The following RPS6KA5 variants were observed in gnomAD, a reference collection of about 807,000 sequenced individuals.
The protein encoded by RPS6KA5 is ribosomal protein S6 kinase alpha-5.
RPS6KA5 carries 27 observed loss-of-function variants against 85.5 expected under a neutral mutation model. The observed-to-expected ratio is 0.32, with a 90% confidence interval of 0.23 to 0.44. The LOEUF is 0.44. RPS6KA5 is among the 20% of genes least tolerant of loss of function. RPS6KA5 has a pLI of 1.00. For missense variants in RPS6KA5, 811 were observed against 980.9 expected, an observed-to-expected ratio of 0.83 and a Z score of 2.31; for synonymous variants, 334 against 348.2, an observed-to-expected ratio of 0.96 and a Z score of 0.46.
At chr14:90,904,149 C>CTG (rs1566719809) in intron 8 of RPS6KA5, among the ~76,000 whole-genome samples, 1 of 152,164 alleles carries the variant, frequency 6.6e-6, no homozygotes, top group Non-Finnish European at 1.5e-5. Context: ...CAGGGTTTCA[C>CTG]TGTGTTAGCC....
chr14:90,853,906 A>G lies in RPS6KA5; in HGVS notation c.*18168T>C, dbSNP rs185904825. ...TTCACACCCTTTTTCTTGATTAATC[A>G]TTTGTACCAGAGAAAACTCTGTATA... On this transcript the variant is annotated 3_prime_UTR_variant, in exon 17 of 17. Coordinates refer to ENST00000614987, the MANE Select transcript of RPS6KA5 (RefSeq NM_004755.4). 5.3e-4 allele frequency: 81 copies of G among 152,262 alleles called. 1 individual carries two copies. The highest frequency in any genetic ancestry group is 1.9e-3 in the African/African-American group (80 of 41,552). The allele number at this position is 152,262 out of a possible 1,614,324, so 9.4% of individuals were successfully genotyped here. A position where few individuals can be genotyped will look rare whatever the true frequency, so the allele number is the denominator to read the frequency against.
intron 7 of RPS6KA5, among the ~76,000 whole-genome samples, chr14:90,916,223 T>C (rs1246496727): frequency 2.0e-5 from 3 of 152,174 alleles, no homozygotes; most frequent in Admixed American, 6.5e-5. Flanking sequence ...AAACACCTTA[T>C]AGAAGCTCCA....
chr14:90,988,117 C>T (rs1163758163), intron 2 of RPS6KA5, among the ~76,000 whole-genome samples: 1 of 152,186 alleles, frequency 6.6e-6, no homozygotes. Context: ...CAAATTTGCC[C>T]ATCAGAAAAA....
intron 1 of RPS6KA5, among the ~76,000 whole-genome samples, chr14:91,055,614 A>G (rs1176676544): frequency 6.6e-6 from 1 of 152,092 alleles, no homozygotes; most frequent in African/African-American, 2.4e-5. Flanking sequence ...CTGTCTCTAC[A>G]AAAAAATAAT....
At chr14:91,027,202 A>G (rs1344671279) in intron 1 of RPS6KA5, among the ~76,000 whole-genome samples, 2 of 152,054 alleles carry the variant, frequency 1.3e-5, no homozygotes, top group African/African-American at 4.8e-5. Flanking sequence ...AGTCCGAGGT[A>G]TTTCCTAGGT....
chr14:91,029,771 C>T (rs568113806), intron 1 of RPS6KA5, among the ~76,000 whole-genome samples: 1 of 152,206 alleles, frequency 6.6e-6, no homozygotes, highest in South Asian at 2.1e-4. Context: ...AATAAATGTA[C>T]ACCACTTAGA....
rs2032715389 is a variant in RPS6KA5, at chr14:90,864,482, G to A, written c.*7592C>T. ...AATATAAGAATATCTTCATAACCTT[G>A]GTGTGAACATTTATTAAATACGACG... On this transcript the variant is annotated 3_prime_UTR_variant, in exon 17 of 17. Transcript: ENST00000614987. 6.6e-6 allele frequency: 1 copy of A among 152,066 alleles called. No individual in the cohort carries two copies. Among genetic ancestry groups the A allele is most frequent in the African/African-American group, 2.4e-5 (1 of 41,382 alleles). The allele number at this position is 152,066 out of a possible 1,614,324, so 9.4% of individuals were successfully genotyped here. A position where few individuals can be genotyped will look rare whatever the true frequency, so the allele number is the denominator to read the frequency against.
intron 2 of RPS6KA5, among the ~76,000 whole-genome samples, chr14:90,997,790 C>T (rs1036843193): frequency 2.0e-5 from 3 of 151,958 alleles, no homozygotes; most frequent in East Asian, 1.9e-4. Context: ...GCGGGCAGAT[C>T]GCCTGAGGTC....
rs1223642295 is a variant in RPS6KA5, at chr14:90,870,946, C to T, written c.*1128G>A. ...ACTTTTGAGCAATAAAAGTGCTCTG[C>T]ATAAGTTTATAAAATATGCTTTCTG... On this transcript the variant is annotated 3_prime_UTR_variant, in exon 17 of 17. Coordinates refer to ENST00000614987, the MANE Select transcript of RPS6KA5 (RefSeq NM_004755.4). The T allele has an allele frequency of 1.3e-5, 2 of 151,784 alleles. No homozygotes were observed. The highest frequency in any genetic ancestry group is 2.9e-5 in the Non-Finnish European group (2 of 67,910). The allele number at this position is 151,784 out of a possible 1,614,324, so 9.4% of individuals were successfully genotyped here.
chr14:91,059,040 T>A (rs913826921), intron 1 of RPS6KA5, among the ~76,000 whole-genome samples: 2 of 152,086 alleles, frequency 1.3e-5, no homozygotes, highest in Non-Finnish European at 2.9e-5. Context: ...AATTAAATAA[T>A]AACCCGGCCG....
chr14:90,901,397 C>T (rs910813570), intron 9 of RPS6KA5, among the ~76,000 whole-genome samples: 4 of 152,140 alleles, frequency 2.6e-5, no homozygotes, highest in Admixed American at 6.5e-5. Flanking sequence ...TCTTTAAATG[C>T]TATTGTTTTT....
chr14:90,900,577 C>A (rs1364492311), intron 10 of RPS6KA5, 34 bp downstream of exon 10: 1 of 1,591,358 alleles, frequency 6.3e-7, no homozygotes, highest in African/African-American at 1.4e-5. Context: ...ACAAAACCTA[C>A]AAATATGTCA....
chr14:90,859,903 T>C lies in RPS6KA5; in HGVS notation c.*12171A>G, dbSNP rs910271238. ...GCATGTTCTCACTCATAAGTGGGAG[T>C]TGAACAATGAGAACACATGGAAACA... On this transcript the variant is annotated 3_prime_UTR_variant, in exon 17 of 17. Coordinates refer to ENST00000614987, the MANE Select transcript of RPS6KA5 (RefSeq NM_004755.4). 2 of 150,066 alleles carry C rather than the reference T, an allele frequency of 1.3e-5. No homozygotes were observed. Among genetic ancestry groups the C allele is most frequent in the African/African-American group, 2.5e-5 (1 of 40,662 alleles). 9.3% of individuals were successfully genotyped at this position (150,066 alleles called of 1,614,324 possible). A position where few individuals can be genotyped will look rare whatever the true frequency, so the allele number is the denominator to read the frequency against.
intron 1 of RPS6KA5, among the ~76,000 whole-genome samples, chr14:91,007,735 T>C (rs900909599): frequency 2.0e-5 from 3 of 151,604 alleles, no homozygotes; most frequent in African/African-American, 7.3e-5. Context: ...GTAGCCATCC[T>C]AGTAGATATG....
chr14:91,011,573 T>C (rs551374261), intron 1 of RPS6KA5, among the ~76,000 whole-genome samples: 1 of 152,302 alleles, frequency 6.6e-6, no homozygotes, highest in Admixed American at 6.5e-5. Flanking sequence ...AACCTGTCAA[T>C]TCAAACATCA....
chr14:91,031,281 T>C (rs774364023), intron 1 of RPS6KA5, among the ~76,000 whole-genome samples: 1 of 152,098 alleles, frequency 6.6e-6, no homozygotes. Context: ...CTGTCACAAA[T>C]ATGAGAACAT....
chr14:90,871,929 C>G lies in RPS6KA5; in HGVS notation c.*145G>C. On this transcript the variant is annotated 3_prime_UTR_variant, in exon 17 of 17. Transcript: ENST00000614987. ...GTCCAGTGCTTTTGAATGAGGATAACCAAACAGGTTTTCCTGAAAAAAATC... is the reference window on the plus strand; with the variant it reads ...GTCCAGTGCTTTTGAATGAGGATAAGCAAACAGGTTTTCCTGAAAAAAATC... The G allele has an allele frequency of 9.4e-7, 1 of 1,060,332 alleles. No homozygotes were observed. The highest frequency in any genetic ancestry group is 1.4e-6 in the Non-Finnish European group (1 of 731,062). The allele number at this position is 1,060,332 out of a possible 1,614,324, so 65.7% of individuals were successfully genotyped here.
intron 7 of RPS6KA5, among the ~76,000 whole-genome samples, chr14:90,916,288 T>C (rs967157271): frequency 6.6e-6 from 1 of 152,196 alleles, no homozygotes. Flanking sequence ...GGGATTCTTA[T>C]GTCAGGGGAA....
chr14:90,978,295 C>G lies in RPS6KA5; in HGVS notation c.394+11G>C. On this transcript the variant is annotated intron_variant, in intron 3 of 16. Transcript: ENST00000614987. ...GTTTTCATAAAAAGTCTGATAACAA[C>G]TGACACTTACCTAAAATGAGATGAA... 6.3e-7 allele frequency: 1 copy of G among 1,588,404 alleles called. No individual in the cohort carries two copies. The highest frequency in any genetic ancestry group is 8.6e-7 in the Non-Finnish European group (1 of 1,168,048).
Sources: allele counts gnomAD v4.1 joint callset (sites outside exome capture counted in the v4.1 genomes callset), GRCh38; gene constraint gnomAD v4.1.1; transcripts MANE v1.5; gene names NCBI Gene and HGNC (gene_info 2026-07-23, HGNC 2026-07-21).